MRC2: variants seen among roughly 807,000 people sequenced by gnomAD.
The protein encoded by MRC2 is mannose receptor C-type 2.
A neutral mutation model predicts 206.2 loss-of-function variants in MRC2; 84 were observed. That is an observed-to-expected ratio of 0.41 (90% CI 0.34 to 0.49). The LOEUF (loss-of-function observed/expected upper bound fraction) is 0.49, where lower values mean the gene tolerates loss of function less well. Ranked by LOEUF, MRC2 falls within the 20% of genes least tolerant of loss-of-function variation. MRC2 has a pLI of 0.31. For missense variants in MRC2, 1,676 were observed against 2,001.5 expected, an observed-to-expected ratio of 0.84 and a Z score of 3.10; for synonymous variants, 798 against 800.0, an observed-to-expected ratio of 1.00 and a Z score of 0.04.
In MRC2 at chr17:62,692,537, C is replaced by T. The variant is rs2089125922; in HGVS notation, c.*86C>T. ...TCTGGCCCCCCACCAGCTGCCTGTC[C>T]AGTTGGCCTATGGAAGGGTGCCCTT... is the stretch of plus-strand genomic sequence containing the variant. On this transcript the variant is annotated 3_prime_UTR_variant, in exon 30 of 30. Transcript: ENST00000303375. This position sits in a 1 kb window ranked among gnomAD's most constrained non-coding sequence, Gnocchi z 4.2. 7.3e-7 allele frequency: 1 copy of T among 1,366,378 alleles called. No homozygotes were observed. Among genetic ancestry groups the T allele is most frequent in the East Asian group, 2.5e-5 (1 of 39,638 alleles). 84.6% of individuals were successfully genotyped at this position (1,366,378 alleles called of 1,614,324 possible). A position where few individuals can be genotyped will look rare whatever the true frequency, so the allele number is the denominator to read the frequency against.
At chr17:62,629,956 G>A (rs1437754811) in intron 1 of MRC2, among the ~76,000 whole-genome samples, 4 of 152,252 alleles carry the variant, frequency 2.6e-5, no homozygotes, top group African/African-American at 7.2e-5. Flanking sequence ...GCAGCGAGGC[G>A]GCAGTGCCTT....
rs2088977156 is a variant in MRC2 at position 62,682,275 on chromosome 17, C to T, written c.2844C>T (p.Tyr948=). 6.2e-7 allele frequency: 1 copy of T among 1,603,644 alleles called. No individual in the cohort carries two copies. Among genetic ancestry groups the T allele is most frequent in the South Asian group, 1.1e-5 (1 of 89,266 alleles). ...AGAGGTGCCTGACAGCCTTGCCCTA[C>T]ATCTGCAAGCGCAGCAACGTCACCA... ...GDQRCLTALP[Y]ICKRSNVTKE... is the part of the protein sequence containing the mutation. Residue 948 remains tyrosine (Y), a synonymous_variant, in exon 20 of 30, where the codon TAC becomes TAT. Transcript: ENST00000303375.
chr17:62,674,731 G>C (rs557999479), intron 9 of MRC2, among the ~76,000 whole-genome samples: 1 of 151,804 alleles, frequency 6.6e-6, no homozygotes, highest in South Asian at 2.1e-4. Context: ...TGAAAGCTGT[G>C]TAAGTGAGTG....
At chr17:62,662,734 A>C (rs778290629) in intron 1 of MRC2, among the ~76,000 whole-genome samples, 11 of 151,958 alleles carry the variant, frequency 7.2e-5, no homozygotes, top group Non-Finnish European at 1.5e-4. Context: ...ACATGGAGAA[A>C]TCTCATCTCT....
chr17:62,674,254 TGCC>T, intron 9 of MRC2, 84 bp downstream of exon 9: 1 of 986,132 alleles, frequency 1.0e-6, no homozygotes, highest in Non-Finnish European at 1.5e-6. Context: ...GAACTCCTGC[TGCC>T]TCGCATGGCA....
Position 62,664,787 on chromosome 17 carries a change from C to T in MRC2, c.358C>T (p.Arg120Cys), listed in dbSNP as rs933009928. The T allele has an allele frequency of 5.0e-6, 8 of 1,613,868 alleles. No individual in the cohort carries two copies. Among genetic ancestry groups the T allele is most frequent in the East Asian group, 2.2e-5 (1 of 44,894 alleles). ...GTGTGACCGGGAAGCACTGAATCTT[C>T]GCTGGCATTGTCGTACACTGGGTGA... ...YECDREALNL[R>C]WHCRTLGDQL... The change falls in exon 2 of 30, where the codon CGC becomes TGC. Residue 120 changes from arginine (R) to cysteine (C), a missense_variant. Transcript: ENST00000303375. The surrounding 1 kb of genome is among the most constrained non-coding windows in gnomAD (Gnocchi z 4.7).
At chr17:62,663,958 C>CTTT (rs1200787312) in intron 1 of MRC2, among the ~76,000 whole-genome samples, 14 of 125,264 alleles carry the variant, frequency 1.1e-4, no homozygotes, top group East Asian at 4.5e-4. Context: ...GTTGGGTTTG[C>CTTT]TTTTTTTTTT....
chr17:62,645,839 T>G (rs2088477568), intron 1 of MRC2, among the ~76,000 whole-genome samples: 1 of 149,996 alleles, frequency 6.7e-6, no homozygotes, highest in Non-Finnish European at 1.5e-5. Context: ...CGCACCTGGC[T>G]TTCCCTGTAA....
chr17:62,647,332 T>G (rs1361460013), intron 1 of MRC2, among the ~76,000 whole-genome samples: 3 of 151,878 alleles, frequency 2.0e-5, no homozygotes, highest in Non-Finnish European at 4.4e-5. Flanking sequence ...TACAGGTGCA[T>G]GCCACCATGC....
intron 6 of MRC2, among the ~76,000 whole-genome samples, chr17:62,668,282 G>A (rs577917852): frequency 6.6e-6 from 1 of 151,802 alleles, no homozygotes; most frequent in South Asian, 2.1e-4. Flanking sequence ...AGCCTGCAAG[G>A]TTGAGGCTGC....
intron 1 of MRC2, among the ~76,000 whole-genome samples, chr17:62,647,807 G>A (rs2088508368): frequency 6.6e-6 from 1 of 152,142 alleles, no homozygotes; most frequent in Non-Finnish European, 1.5e-5. Context: ...GCCCCACTGG[G>A]GCTGCTACTC....
rs1488086915 is a variant in MRC2, at chr17:62,681,868, T to G, written c.2734T>G (p.Ser912Ala). 1 of 1,613,882 alleles carries G rather than the reference T, an allele frequency of 6.2e-7. No homozygotes were observed. Among genetic ancestry groups the G allele is most frequent in the Admixed American group, 1.7e-5 (1 of 59,990 alleles). ...AGATGGTTCCATTATAAACTTCATC[T>G]CCTGGGCACCAGGCAAACCTCGGCC... is the stretch of plus-strand genomic sequence containing the variant. Reference protein sequence around the residue: ...WTDGSIINFISWAPGKPRPVG... With the variant: ...WTDGSIINFIAWAPGKPRPVG... The change falls in exon 19 of 30, where the codon TCC becomes GCC. Residue 912 changes from serine (S) to alanine (A), a missense_variant. Ser to Ala is a moderately conservative substitution (Grantham distance 99). Transcript: ENST00000303375.
chr17:62,644,555 A>G (rs866153928), intron 1 of MRC2, among the ~76,000 whole-genome samples: 5 of 152,180 alleles, frequency 3.3e-5, no homozygotes, highest in Non-Finnish European at 7.3e-5. Context: ...AAAAATAAGA[A>G]ATAAACATGT....
intron 13 of MRC2, chr17:62,679,341 C>G (rs1462233894): frequency 1.9e-5 from 3 of 160,504 alleles, no homozygotes; most frequent in African/African-American, 7.2e-5. Context: ...CCCGACAACC[C>G]TATGGAGCAG....
chr17:62,659,275 C>T (rs926437513), intron 1 of MRC2, among the ~76,000 whole-genome samples: 2 of 152,194 alleles, frequency 1.3e-5, no homozygotes, highest in Admixed American at 1.3e-4. Flanking sequence ...CGTGGTGGCT[C>T]ACTCTTGTAA....
Position 62,689,646 on chromosome 17 carries a change from T to C in MRC2, c.3459T>C (p.Cys1153=). ...PLRWHDALLL[C]ESRNASLAYV... is the part of the protein sequence containing the mutation. ...GCTGGCACGATGCCCTCCTGCTGTG[T>C]GAGAGCCGCAATGCCAGCCTGGCCT... The change falls in exon 24 of 30, where the codon TGT becomes TGC. Residue 1153 remains cysteine, a synonymous_variant. Transcript: ENST00000303375. 6.2e-7 allele frequency: 1 copy of C among 1,600,430 alleles called. No individual in the cohort carries two copies. Among genetic ancestry groups the C allele is most frequent in the Non-Finnish European group, 8.5e-7 (1 of 1,173,780 alleles).
intron 1 of MRC2, among the ~76,000 whole-genome samples, chr17:62,629,005 A>C (rs969029603): frequency 6.6e-6 from 1 of 152,150 alleles, no homozygotes; most frequent in African/African-American, 2.4e-5. Flanking sequence ...GGCGTGACGT[A>C]GGCACAAGAC....
chr17:62,651,979 T>C (rs2088561369), intron 1 of MRC2, among the ~76,000 whole-genome samples: 1 of 152,226 alleles, frequency 6.6e-6, no homozygotes, highest in Admixed American at 6.5e-5. Context: ...AGTTGTTTTT[T>C]TCTTTTAAGT....
intron 1 of MRC2, among the ~76,000 whole-genome samples, chr17:62,641,672 AAC>A (rs2147437531): frequency 6.6e-6 from 1 of 152,372 alleles, no homozygotes; most frequent in Admixed American, 6.5e-5. Flanking sequence ...AATGAAATGT[AAC>A]ACAGAGGTGG....
Sources: gnomAD v4.1 joint callset for allele counts (sites outside exome capture counted in the v4.1 genomes callset) on GRCh38, gnomAD v4.1.1 for gene constraint, Gnocchi (gnomAD v3.1) non-coding constraint, MANE v1.5 for transcripts, NCBI Gene and HGNC (gene_info 2026-07-23, HGNC 2026-07-21) for gene names.